CDH12: variants seen among roughly 807,000 people sequenced by gnomAD.
CDH12 encodes the protein cadherin-12.
A neutral mutation model predicts 74.1 loss-of-function variants in CDH12; 41 were observed. That is an observed-to-expected ratio of 0.55 (90% CI 0.43 to 0.72). CDH12 has a LOEUF of 0.72. Ranked by LOEUF, CDH12 falls within the 30% of genes least tolerant of loss-of-function variation. CDH12 has a pLI of 0.00. For missense variants in CDH12, 945 were observed against 977.2 expected (o/e 0.97, Z 0.44); for synonymous variants, 399 against 355.0 (o/e 1.12, Z -1.39).
chr5:22,786,118 G>A (rs1363190129), intron 1 of CDH12, among the ~76,000 whole-genome samples: 1 of 152,020 alleles, frequency 6.6e-6, no homozygotes, highest in Admixed American at 6.5e-5. Flanking sequence ...TATACACCAT[G>A]GAATACTATA....
chr5:22,372,751 G>A (rs1741350680), intron 3 of CDH12, among the ~76,000 whole-genome samples: 1 of 152,098 alleles, frequency 6.6e-6, no homozygotes, highest in African/African-American at 2.4e-5. Context: ...GTCCTTCCAG[G>A]TGGTGGGCCC....
At chr5:22,102,638 G>A (rs1438386999) in intron 4 of CDH12, among the ~76,000 whole-genome samples, 3 of 151,536 alleles carry the variant, frequency 2.0e-5, no homozygotes, top group African/African-American at 7.3e-5. Context: ...TTCCAGCCTG[G>A]GGGACAGAGT....
chr5:21,865,028 T>C (rs571406201), intron 6 of CDH12, among the ~76,000 whole-genome samples: 1 of 152,322 alleles, frequency 6.6e-6, no homozygotes, highest in South Asian at 2.1e-4. Context: ...TGAATCTTTT[T>C]CAGAACTGAT....
At chr5:22,464,022 G>A (rs1454401485) in intron 2 of CDH12, among the ~76,000 whole-genome samples, 2 of 152,172 alleles carry the variant, frequency 1.3e-5, no homozygotes, top group Non-Finnish European at 2.9e-5. Flanking sequence ...GTTCCCATGT[G>A]TCTTGGGAGG....
chr5:22,140,577 A>G (rs2150297310), intron 4 of CDH12, among the ~76,000 whole-genome samples: 1 of 152,272 alleles, frequency 6.6e-6, no homozygotes, highest in African/African-American at 2.4e-5. Context: ...ATTTTAGTCT[A>G]TAAACTTACA....
chr5:21,953,399 C>T (rs2355276), intron 6 of CDH12, among the ~76,000 whole-genome samples: 4 of 152,128 alleles, frequency 2.6e-5, no homozygotes, highest in Admixed American at 6.5e-5. Flanking sequence ...GCATGCTTTC[C>T]GAACCTCTTG....
chr5:22,142,545 ACT>A (rs1746872939), intron 4 of CDH12: 1 of 767,504 alleles, frequency 1.3e-6, no homozygotes, highest in Admixed American at 2.0e-5. Context: ...GATGAAGAAA[ACT>A]CAGCTAAATT....
chr5:22,155,221 C>T (rs952675498), intron 4 of CDH12, among the ~76,000 whole-genome samples: 36 of 152,028 alleles, frequency 2.4e-4, no homozygotes, highest in Admixed American at 3.9e-4. Context: ...GTCAAGTGTG[C>T]TATGTAACAT....
chr5:21,980,063 T>C (rs1580060830), intron 5 of CDH12, among the ~76,000 whole-genome samples: 1 of 151,834 alleles, frequency 6.6e-6, no homozygotes, highest in South Asian at 2.1e-4. Context: ...TTTCATGTAT[T>C]TTTTGGCTGC....
At chr5:22,593,670 T>A (rs1024194423) in intron 1 of CDH12, among the ~76,000 whole-genome samples, 1 of 152,180 alleles carries the variant, frequency 6.6e-6, no homozygotes, top group African/African-American at 2.4e-5. Flanking sequence ...CAAGTGGTTA[T>A]TAAAAATAAA....
chr5:22,123,907 T>C (rs1745669848), intron 4 of CDH12, among the ~76,000 whole-genome samples: 1 of 152,036 alleles, frequency 6.6e-6, no homozygotes, highest in Non-Finnish European at 1.5e-5. Flanking sequence ...GGTACATTAT[T>C]TCGTTTCCTT....
At chr5:22,841,741 G>C (rs936945990) in intron 1 of CDH12, among the ~76,000 whole-genome samples, 11 of 152,132 alleles carry the variant, frequency 7.2e-5, no homozygotes, top group African/African-American at 2.7e-4. Flanking sequence ...TAAGAACTGT[G>C]TTGAGGAGGA....
chr5:22,640,912 C>T (rs1440075897), intron 1 of CDH12, among the ~76,000 whole-genome samples: 1 of 152,160 alleles, frequency 6.6e-6, no homozygotes, highest in Non-Finnish European at 1.5e-5. Flanking sequence ...ATTTTATTCC[C>T]TATTTTAAAG....
At chr5:22,126,359 T>C (rs569022723) in intron 4 of CDH12, among the ~76,000 whole-genome samples, 1 of 152,298 alleles carries the variant, frequency 6.6e-6, no homozygotes, top group East Asian at 1.9e-4. Flanking sequence ...CGGCTCACTT[T>C]CTGCTATTAG....
intron 1 of CDH12, among the ~76,000 whole-genome samples, chr5:22,557,771 G>A (rs766639512): frequency 5.9e-5 from 9 of 152,096 alleles, no homozygotes; most frequent in Non-Finnish European, 1.3e-4. Flanking sequence ...TTAGAAGCTT[G>A]TATTATGAAG....
chr5:22,477,318 G>T (rs933628832), intron 2 of CDH12, among the ~76,000 whole-genome samples: 1 of 152,032 alleles, frequency 6.6e-6, no homozygotes, highest in Admixed American at 6.6e-5. Context: ...GCCCCTACTT[G>T]TAAGTGAGAA....
At chr5:22,559,370 A>G (rs973957735) in intron 1 of CDH12, among the ~76,000 whole-genome samples, 16 of 152,132 alleles carry the variant, frequency 1.1e-4, no homozygotes, top group African/African-American at 3.4e-4. Context: ...AAAAATTTTT[A>G]AAGTTAAAAT....
chr5:21,937,167 T>A (rs921166096), intron 6 of CDH12, among the ~76,000 whole-genome samples: 2 of 152,144 alleles, frequency 1.3e-5, no homozygotes, highest in Non-Finnish European at 2.9e-5. Flanking sequence ...GTTGTAAGGA[T>A]GATGGAACAG....
At chr5:22,286,018 T>A (rs114183848) in intron 3 of CDH12, among the ~76,000 whole-genome samples, 2,170 of 152,192 alleles carry the variant, frequency 0.014, 42 homozygotes, top group African/African-American at 0.049. Context: ...TTCCATATAA[T>A]TCATAAGTGG....
Sources: allele counts gnomAD v4.1 joint callset (sites outside exome capture counted in the v4.1 genomes callset), GRCh38; gene constraint gnomAD v4.1.1; transcripts MANE v1.5; gene names NCBI Gene and HGNC (gene_info 2026-07-23, HGNC 2026-07-21).